Variants in NCAM2 observed in about 807,000 individuals in gnomAD.
The protein encoded by NCAM2 is N-CAM-2.
A neutral mutation model predicts 98.1 loss-of-function variants in NCAM2; 30 were observed. The observed-to-expected ratio is 0.31, with a 90% confidence interval of 0.23 to 0.41. NCAM2 has a LOEUF of 0.41. NCAM2 is among the 10% of genes least tolerant of loss of function. NCAM2 has a pLI of 1.00. For synonymous variants in NCAM2, 368 were observed against 342.4 expected, an observed-to-expected ratio of 1.07 and a Z score of -0.83; for missense variants, 867 against 1,005.8, an observed-to-expected ratio of 0.86 and a Z score of 1.87.
chr21:21,485,943 G>A (rs1359869145), intron 15 of NCAM2, among the ~76,000 whole-genome samples: 1 of 152,024 alleles, frequency 6.6e-6, no homozygotes, highest in Non-Finnish European at 1.5e-5. Flanking sequence ...GCTGTCAACT[G>A]CTATCCTTTC....
At chr21:21,163,768 A>G (rs763625755) in intron 1 of NCAM2, among the ~76,000 whole-genome samples, 8 of 152,162 alleles carry the variant, frequency 5.3e-5, no homozygotes, top group Non-Finnish European at 1.0e-4. Flanking sequence ...CACCATCATC[A>G]CTGCTATTTT....
At position 21,432,809 on chromosome 21, in the gene NCAM2, T is replaced by C. The variant is rs558004726; in HGVS notation, c.1654+528T>C. Among the ~76,000 whole-genome samples, 8 of 152,254 alleles carry C rather than the reference T, an allele frequency of 5.3e-5. No homozygotes were observed. The South Asian group carries it at 6.2e-4, about 12-fold the overall frequency. ...AGAGCTTCTTTTCACTTACGTAAAATTTCATCGTCTTATGAAAATGTAGTT... is the reference window on the plus strand; with the variant it reads ...AGAGCTTCTTTTCACTTACGTAAAACTTCATCGTCTTATGAAAATGTAGTT... On this transcript the variant is annotated intron_variant, in intron 12 of 17. Coordinates refer to ENST00000400546, the MANE Select transcript of NCAM2 (RefSeq NM_004540.5).
At chr21:21,067,679 A>G (rs1449767973) in intron 1 of NCAM2, among the ~76,000 whole-genome samples, 2 of 152,194 alleles carry the variant, frequency 1.3e-5, no homozygotes, top group Admixed American at 1.3e-4. Context: ...TTAATTACAT[A>G]CAATTGTTTT....
chr21:21,374,621 C>A (rs1002174344), intron 9 of NCAM2, among the ~76,000 whole-genome samples: 2 of 151,916 alleles, frequency 1.3e-5, no homozygotes, highest in South Asian at 4.1e-4. Flanking sequence ...CAAAACCCCT[C>A]TGGTCACTGC....
intron 1 of NCAM2, among the ~76,000 whole-genome samples, chr21:21,061,104 A>G (rs1017970850): frequency 6.6e-6 from 1 of 152,130 alleles, no homozygotes; most frequent in African/African-American, 2.4e-5. Context: ...CAGAGTAGCA[A>G]TTTATAGCAG....
chr21:21,456,436 A>T (rs993918749), intron 12 of NCAM2, among the ~76,000 whole-genome samples: 2 of 152,196 alleles, frequency 1.3e-5, no homozygotes, highest in Non-Finnish European at 2.9e-5. Context: ...TTCATTTTAT[A>T]GTGCTAGCAA....
intron 1 of NCAM2, among the ~76,000 whole-genome samples, chr21:21,273,752 T>C (rs901926836): frequency 4.6e-5 from 7 of 152,228 alleles, no homozygotes; most frequent in Non-Finnish European, 7.3e-5. Flanking sequence ...TAATATTATT[T>C]GGTTATTTTG....
chr21:21,315,890 AG>A (rs2074206461), intron 5 of NCAM2, among the ~76,000 whole-genome samples: 1 of 152,230 alleles, frequency 6.6e-6, no homozygotes, highest in African/African-American at 2.4e-5. Context: ...GTGGGGAGAT[AG>A]GACACTGCAA....
chr21:21,001,335 C>A (rs547811617), intron 1 of NCAM2, among the ~76,000 whole-genome samples: 1 of 152,260 alleles, frequency 6.6e-6, no homozygotes, highest in Admixed American at 6.5e-5. Context: ...TTAAAAGCCT[C>A]TAATTTCCAC....
At chr21:21,536,154 C>T (rs116701760) in intron 17 of NCAM2, among the ~76,000 whole-genome samples, 211 of 152,074 alleles carry the variant, frequency 1.4e-3, no homozygotes, top group African/African-American at 4.8e-3. Flanking sequence ...AGCCTGCTCT[C>T]GTTGGTACAA....
At chr21:21,078,197 C>T (rs1372354353) in intron 1 of NCAM2, among the ~76,000 whole-genome samples, 1 of 152,074 alleles carries the variant, frequency 6.6e-6, no homozygotes, top group Non-Finnish European at 1.5e-5. Context: ...TATTCTCAGC[C>T]ATTTTTATTA....
intron 8 of NCAM2, among the ~76,000 whole-genome samples, chr21:21,366,073 G>T (rs138021566): frequency 1.3e-5 from 2 of 152,036 alleles, no homozygotes; most frequent in Non-Finnish European, 2.9e-5. Flanking sequence ...ACTTTTATTT[G>T]TTCTGGTAGA....
chr21:21,459,913 A>G (rs1156922496), intron 12 of NCAM2, among the ~76,000 whole-genome samples: 1 of 152,028 alleles, frequency 6.6e-6, no homozygotes, highest in Non-Finnish European at 1.5e-5. Context: ...ATTAAAATGT[A>G]CTAAGAGGCT....
chr21:20,999,770 T>A (rs1168660425), intron 1 of NCAM2, among the ~76,000 whole-genome samples: 2 of 152,130 alleles, frequency 1.3e-5, no homozygotes, highest in Non-Finnish European at 2.9e-5. Context: ...CAGCAGGGGG[T>A]GGTAGAACTC....
intron 1 of NCAM2, among the ~76,000 whole-genome samples, chr21:21,115,113 A>T (rs565712569): frequency 6.6e-6 from 1 of 152,108 alleles, no homozygotes; most frequent in Admixed American, 6.5e-5. Flanking sequence ...GAGCCACCGC[A>T]CCCGGCCATA....
At chr21:21,519,626 T>G (rs571569694) in intron 16 of NCAM2, among the ~76,000 whole-genome samples, 2 of 152,300 alleles carry the variant, frequency 1.3e-5, no homozygotes, top group South Asian at 2.1e-4. Context: ...TAATTAACCT[T>G]AAGGAATTGG....
chr21:21,343,857 A>G (rs2075115453), intron 8 of NCAM2, among the ~76,000 whole-genome samples: 1 of 152,152 alleles, frequency 6.6e-6, no homozygotes, highest in South Asian at 2.1e-4. Context: ...GAACTGGGCC[A>G]AGAGACAGTG....
intron 9 of NCAM2, among the ~76,000 whole-genome samples, chr21:21,395,274 C>T (rs571064520): frequency 3.1e-4 from 47 of 152,038 alleles, no homozygotes; most frequent in African/African-American, 1.1e-3. Context: ...GCAGAGGTGA[C>T]AATGAGATGA....
intron 8 of NCAM2, among the ~76,000 whole-genome samples, chr21:21,343,356 CAT>C (rs201448552): frequency 0.024 from 2,234 of 91,468 alleles, 29 homozygotes; most frequent in Non-Finnish European, 0.037. Flanking sequence ...TATCTATACA[CAT>C]ACACACACAC....
Sources: gnomAD v4.1 joint callset for allele counts (sites outside exome capture counted in the v4.1 genomes callset) on GRCh38, gnomAD v4.1.1 for gene constraint, MANE v1.5 for transcripts, NCBI Gene and HGNC (gene_info 2026-07-23, HGNC 2026-07-21) for gene names.